The following SEMA3A variants were observed in gnomAD, a reference collection of about 807,000 sequenced individuals.
SEMA3A encodes semaphorin 3A, also known as semaphorin-3A.
In SEMA3A, 29 loss-of-function variants were observed where a neutral mutation model predicts 97.9. That is an observed-to-expected ratio of 0.30 (90% CI 0.22 to 0.40). SEMA3A has a LOEUF of 0.40. SEMA3A is among the 10% of genes least tolerant of loss of function. The probability of loss-of-function intolerance (pLI) is 1.00; values close to 1 mark genes in which losing one functional copy is unlikely to be tolerated. For synonymous variants in SEMA3A, 321 were observed against 323.7 expected (o/e 0.99, Z 0.09); for missense variants, 763 against 951.3 (o/e 0.80, Z 2.60).
chr7:84,337,726 C>T (rs1802072168), intron 2 of SEMA3A, among the ~76,000 whole-genome samples: 1 of 152,110 alleles, frequency 6.6e-6, no homozygotes, highest in South Asian at 2.1e-4. Flanking sequence ...TCCTTAAATG[C>T]TTTGTGCAGC....
intron 3 of SEMA3A, among the ~76,000 whole-genome samples, chr7:84,221,582 A>G (rs1798882688): frequency 6.6e-6 from 1 of 152,114 alleles, no homozygotes; most frequent in South Asian, 2.1e-4. Flanking sequence ...ATGTAGAATT[A>G]TCAATTGGCC....
chr7:84,209,258 GACA>G (rs1379721722), intron 3 of SEMA3A, among the ~76,000 whole-genome samples: 1 of 152,190 alleles, frequency 6.6e-6, no homozygotes, highest in Non-Finnish European at 1.5e-5. Context: ...AAGTAGGAAT[GACA>G]ACAAAACGAT....
At chr7:84,019,350 G>A (rs1039287009) in intron 6 of SEMA3A, among the ~76,000 whole-genome samples, 1 of 151,202 alleles carries the variant, frequency 6.6e-6, no homozygotes, top group African/African-American at 2.4e-5. Flanking sequence ...ATTTGAAACT[G>A]AGCCAGTGGA....
intron 4 of SEMA3A, among the ~76,000 whole-genome samples, chr7:84,090,783 T>C (rs1201900869): frequency 6.6e-6 from 1 of 152,022 alleles, no homozygotes; most frequent in Non-Finnish European, 1.5e-5. Flanking sequence ...ATTGTGTAGG[T>C]TGGCCGGGCG....
exon 1 of SEMA3A, chr7:84,492,713 A>G (rs1401371412): frequency 6.6e-6 from 1 of 151,890 alleles, no homozygotes; most frequent in African/African-American, 2.4e-5. Context: ...CGGATCTATC[A>G]GGCTTCATCT....
intron 3 of SEMA3A, among the ~76,000 whole-genome samples, chr7:84,293,202 C>T (rs1049309764): frequency 3.3e-5 from 5 of 152,028 alleles, no homozygotes; most frequent in African/African-American, 1.2e-4. Context: ...TCTGTACCAA[C>T]CATTGCTGTG....
chr7:84,288,441 G>T (rs1191205304), intron 3 of SEMA3A, among the ~76,000 whole-genome samples: 1 of 152,086 alleles, frequency 6.6e-6, no homozygotes, highest in Non-Finnish European at 1.5e-5. Flanking sequence ...GGTCACAGAA[G>T]TTCAAAGACC....
intron 4 of SEMA3A, among the ~76,000 whole-genome samples, chr7:84,095,001 T>C (rs1031317588): frequency 1.3e-5 from 2 of 150,978 alleles, no homozygotes; most frequent in East Asian, 1.9e-4. Context: ...TTGTCTAAGA[T>C]ATTGTCACCC....
intron 1 of SEMA3A, among the ~76,000 whole-genome samples, chr7:84,162,600 A>AAAT (rs1323279376): frequency 3.9e-5 from 6 of 151,938 alleles, no homozygotes; most frequent in Non-Finnish European, 8.8e-5. Flanking sequence ...TTTAAAAAAA[A>AAAT]ATAGATATGA....
intron 4 of SEMA3A, among the ~76,000 whole-genome samples, chr7:84,083,397 G>T (rs767328045): frequency 6.6e-6 from 1 of 151,464 alleles, no homozygotes; most frequent in Non-Finnish European, 1.5e-5. Flanking sequence ...ATAAATCAGG[G>T]TAATTGGGAT....
At chr7:84,224,777 T>A (rs932461549) in intron 3 of SEMA3A, among the ~76,000 whole-genome samples, 2 of 152,074 alleles carry the variant, frequency 1.3e-5, no homozygotes, top group Admixed American at 1.3e-4. Flanking sequence ...ACTCTCCAGT[T>A]GAATAACGGT....
intron 3 of SEMA3A, among the ~76,000 whole-genome samples, chr7:84,124,057 A>C (rs1795715008): frequency 6.6e-6 from 1 of 152,194 alleles, no homozygotes; most frequent in Non-Finnish European, 1.5e-5. Flanking sequence ...TCAGTGACAC[A>C]GAAACTATGT....
chr7:84,089,560 C>T (rs1053535223), intron 4 of SEMA3A, among the ~76,000 whole-genome samples: 1 of 152,044 alleles, frequency 6.6e-6, no homozygotes, highest in African/African-American at 2.4e-5. Context: ...TCATACACAT[C>T]TAAATTACAT....
intron 3 of SEMA3A, among the ~76,000 whole-genome samples, chr7:84,291,511 A>G (rs1800745341): frequency 6.6e-6 from 1 of 152,020 alleles, no homozygotes; most frequent in African/African-American, 2.4e-5. Flanking sequence ...TATCAGAAAA[A>G]TGTTAAAAAT....
intron 1 of SEMA3A, among the ~76,000 whole-genome samples, chr7:84,410,381 G>A (rs1360429134): frequency 1.3e-5 from 2 of 152,002 alleles, no homozygotes; most frequent in African/African-American, 2.4e-5. Flanking sequence ...TCAGCCTCAT[G>A]CCTACATGGC....
intron 4 of SEMA3A, among the ~76,000 whole-genome samples, chr7:84,099,722 G>A (rs1366461178): frequency 1.3e-5 from 2 of 151,994 alleles, no homozygotes; most frequent in Non-Finnish European, 2.9e-5. Flanking sequence ...ATGAGATCTG[G>A]CTATTATTTA....
At chr7:84,153,321 T>C (rs1796737205) in intron 1 of SEMA3A, among the ~76,000 whole-genome samples, 1 of 152,182 alleles carries the variant, frequency 6.6e-6, no homozygotes, top group African/African-American at 2.4e-5. Context: ...ATACAGTTGG[T>C]TATCATCTTT....
intron 1 of SEMA3A, among the ~76,000 whole-genome samples, chr7:84,384,505 T>A (rs1803351117): frequency 6.6e-6 from 1 of 152,084 alleles, no homozygotes; most frequent in Admixed American, 6.6e-5. Context: ...TATATAGTAA[T>A]CTAAAAAATG....
chr7:84,165,091 T>G (rs776044224), intron 1 of SEMA3A, among the ~76,000 whole-genome samples: 4 of 152,008 alleles, frequency 2.6e-5, no homozygotes, highest in African/African-American at 4.8e-5. Flanking sequence ...GCCTGTAGTC[T>G]CAGCTACTTG....
Sources: gnomAD v4.1 joint callset for allele counts (sites outside exome capture counted in the v4.1 genomes callset) on GRCh38, gnomAD v4.1.1 for gene constraint, MANE v1.5 for transcripts, NCBI Gene and HGNC (gene_info 2026-07-23, HGNC 2026-07-21) for gene names.